AGPAT3: variants seen among roughly 807,000 people sequenced by gnomAD.
AGPAT3 encodes the protein 1-acyl-sn-glycerol-3-phosphate acyltransferase gamma.
Under a neutral mutation model 47.3 loss-of-function variants are expected in AGPAT3, and 5 were observed. The ratio of observed to expected loss-of-function variants is 0.11; its 90% confidence interval spans 0.06 to 0.22. The LOEUF (loss-of-function observed/expected upper bound fraction) is 0.22. Ranked by LOEUF, AGPAT3 falls within the 10% of genes least tolerant of loss-of-function variation. The pLI is 1.00. For synonymous variants in AGPAT3, 212 were observed against 208.3 expected, an observed-to-expected ratio of 1.02 and a Z score of -0.15; for missense variants, 315 against 493.0, an observed-to-expected ratio of 0.64 and a Z score of 3.42.
intron 2 of AGPAT3, among the ~76,000 whole-genome samples, chr21:43,946,017 G>A (rs1356689304): frequency 2.0e-5 from 3 of 152,122 alleles, no homozygotes; most frequent in Admixed American, 1.3e-4. Flanking sequence ...GACACACTCA[G>A]CCTCCACCAG....
intron 1 of AGPAT3, among the ~76,000 whole-genome samples, chr21:43,874,988 TC>T (rs1288954036): frequency 1.3e-5 from 2 of 152,234 alleles, no homozygotes; most frequent in Non-Finnish European, 2.9e-5. Flanking sequence ...TGTATTTTTT[TC>T]TTTGTTTTTG....
intron 1 of AGPAT3, among the ~76,000 whole-genome samples, chr21:43,877,570 G>A (rs2085761680): frequency 6.6e-6 from 1 of 152,112 alleles, no homozygotes; most frequent in South Asian, 2.1e-4. Context: ...AGCTTCCTGA[G>A]TAGCCGGGAT....
At chr21:43,869,983 G>C (rs2085587225) in intron 1 of AGPAT3, among the ~76,000 whole-genome samples, 1 of 152,232 alleles carries the variant, frequency 6.6e-6, no homozygotes, top group Non-Finnish European at 1.5e-5. Flanking sequence ...TGGGACTACA[G>C]GTGCTGCCAC....
chr21:43,966,148 C>A (rs556435102), intron 3 of AGPAT3: 2 of 152,380 alleles, frequency 1.3e-5, no homozygotes, highest in East Asian at 3.9e-4. Flanking sequence ...CTTTGCATGC[C>A]GACAGCAAGG....
chr21:43,977,855 C>A (rs1031924742), intron 7 of AGPAT3, among the ~76,000 whole-genome samples, 191 bp from the exon 8 acceptor site: 10 of 151,450 alleles, frequency 6.6e-5, no homozygotes, highest in African/African-American at 1.9e-4. Flanking sequence ...CCAGTGCTCT[C>A]CAGCCTGGCA....
chr21:43,981,489 C>G lies in AGPAT3; in HGVS notation c.1042+302C>G, dbSNP rs1483951609. On this transcript the variant is annotated intron_variant, in intron 9 of 9. Transcript: ENST00000291572. The surrounding 1 kb of genome is among the most constrained non-coding windows in gnomAD (Gnocchi z 5.3). Reference sequence around the variant, plus strand: ...GGTCCCCGAGAGGGTCCCCAGCCCCCCTGTCTGCTTTTGGGCTCTTAGGGG... The same window carrying G: ...GGTCCCCGAGAGGGTCCCCAGCCCCGCTGTCTGCTTTTGGGCTCTTAGGGG... 1 of 467,744 alleles carries G rather than the reference C, an allele frequency of 2.1e-6. No homozygotes were observed. The highest frequency in any genetic ancestry group is 2.0e-5 in the African/African-American group (1 of 50,948). The allele number at this position is 467,744 out of a possible 1,614,324, so 29.0% of individuals were successfully genotyped here. A position where few individuals can be genotyped will look rare whatever the true frequency, so the allele number is the denominator to read the frequency against.
intron 7 of AGPAT3, among the ~76,000 whole-genome samples, chr21:43,977,319 A>T (rs1435622902): frequency 6.6e-6 from 1 of 152,228 alleles, no homozygotes; most frequent in Non-Finnish European, 1.5e-5. Context: ...TTGCCTAATG[A>T]AAGACACTCT....
At chr21:43,980,273 C>G (rs2089794380) in intron 8 of AGPAT3, among the ~76,000 whole-genome samples, 1 of 125,164 alleles carries the variant, frequency 8.0e-6, no homozygotes, top group Non-Finnish European at 1.6e-5. Flanking sequence ...GAGACTCCAT[C>G]TCAAAAAAAA....
intron 2 of AGPAT3, among the ~76,000 whole-genome samples, chr21:43,943,087 G>C (rs2146387165): frequency 6.6e-6 from 1 of 152,026 alleles, no homozygotes; most frequent in Middle Eastern, 3.4e-3. Context: ...TTTTTTGGTG[G>C]GGGGCGGGAT....
Position 43,982,868 on chromosome 21 carries a change from G to C in AGPAT3, c.*476G>C, listed in dbSNP as rs569852652. ...GTCCCGTCCCCCGGGAGCATCGCTC[G>C]GCTCAGCACCTTGGCTCCCAGTGGG... On this transcript the variant is annotated 3_prime_UTR_variant, in exon 10 of 10. Transcript: ENST00000291572. The surrounding 1 kb of genome is among the most constrained non-coding windows in gnomAD (Gnocchi z 6.2). 27 of 157,204 alleles carry C rather than the reference G, an allele frequency of 1.7e-4. No homozygotes were observed. The highest frequency in any genetic ancestry group is 3.5e-4 in the Non-Finnish European group (25 of 71,728). 9.7% of individuals were successfully genotyped at this position (157,204 alleles called of 1,614,324 possible). A position where few individuals can be genotyped will look rare whatever the true frequency, so the allele number is the denominator to read the frequency against.
At chr21:43,867,403 G>A (rs564044770) in intron 1 of AGPAT3, 5 of 152,450 alleles carry the variant, frequency 3.3e-5, no homozygotes, top group African/African-American at 1.2e-4. Context: ...CAGAATGTGT[G>A]TTTGAGAAGA....
intron 7 of AGPAT3, among the ~76,000 whole-genome samples, chr21:43,972,926 AT>A (rs954543527): frequency 1.8e-4 from 27 of 152,154 alleles, no homozygotes; most frequent in Admixed American, 1.4e-3. Flanking sequence ...GTGTTTCCAT[AT>A]TTGCAATCCA....
At chr21:43,980,935 A>G in intron 8 of AGPAT3, 54 bp from the exon 9 acceptor site, 5 of 1,531,596 alleles carry the variant, frequency 3.3e-6, no homozygotes, top group Non-Finnish European at 4.5e-6. Context: ...CTGCATTGAA[A>G]TAATAGCTTG....
At chr21:43,967,571 G>T (rs771815296) in intron 3 of AGPAT3, 1 of 194,978 alleles carries the variant, frequency 5.1e-6, no homozygotes, top group South Asian at 1.3e-4. Context: ...GCAGACATAC[G>T]ATGGTTGTTT....
chr21:43,943,022 G>T (rs991099252), intron 2 of AGPAT3, among the ~76,000 whole-genome samples: 36 of 152,220 alleles, frequency 2.4e-4, no homozygotes, highest in African/African-American at 8.7e-4. Context: ...CCGCTCCCCA[G>T]GGCTGGGTGG....
rs546993980 is a variant in AGPAT3 at position 43,973,705 on chromosome 21, T to A, written c.767+2215T>A. Among the ~76,000 whole-genome samples the A allele has an allele frequency of 1.7e-4, 26 of 152,372 alleles. No homozygotes were observed. In the South Asian group the frequency reaches 4.6e-3, roughly 27 times the overall value. On this transcript the variant is annotated intron_variant, in intron 7 of 9. Transcript: ENST00000291572. ...CGCTTCGCTGTTTGAGGAGCAGCAGTGTCCCCGCGCGCCCCTGCAGCCGAG... is the reference window on the plus strand; with the variant it reads ...CGCTTCGCTGTTTGAGGAGCAGCAGAGTCCCCGCGCGCCCCTGCAGCCGAG...
At chr21:43,901,229 C>A (rs2086343817) in intron 1 of AGPAT3, among the ~76,000 whole-genome samples, 1 of 150,964 alleles carries the variant, frequency 6.6e-6, no homozygotes. Context: ...ACGGCAGAGG[C>A]AGGAGGATCC....
In AGPAT3 at chr21:43,932,478, C is replaced by T. The variant is rs544757844; in HGVS notation, c.-48-27156C>T. Among the ~76,000 whole-genome samples the T allele has an allele frequency of 2.0e-5, 3 of 152,328 alleles. No homozygotes were observed. Among genetic ancestry groups the T allele is most frequent in the South Asian group, 2.1e-4 (1 of 4,826 alleles). On this transcript the variant is annotated intron_variant, in intron 2 of 9. Coordinates refer to ENST00000291572, the MANE Select transcript of AGPAT3 (RefSeq NM_020132.5). This position sits in a 1 kb window ranked among gnomAD's most constrained non-coding sequence, Gnocchi z 5.2. ...ATGGCTGAATAATAACACGGCGTTA[C>T]GCACCGCACGCTCGCTATCCATTCG...
intron 2 of AGPAT3, among the ~76,000 whole-genome samples, chr21:43,945,957 A>AGG (rs1054903750): frequency 6.6e-6 from 1 of 152,086 alleles, no homozygotes; most frequent in African/African-American, 2.4e-5. Flanking sequence ...AGCCAGCAGG[A>AGG]GGGTGGTGGG....
Sources: allele counts gnomAD v4.1 joint callset (sites outside exome capture counted in the v4.1 genomes callset), GRCh38; gene constraint gnomAD v4.1.1; non-coding constraint Gnocchi (gnomAD v3.1); transcripts MANE v1.5; gene names NCBI Gene and HGNC (gene_info 2026-07-23, HGNC 2026-07-21).